Variants in DENND1A observed in about 807,000 individuals in gnomAD.
DENND1A encodes the protein DENN domain-containing protein 1A.
A neutral mutation model predicts 113.7 loss-of-function variants in DENND1A; 51 were observed. The ratio of observed to expected loss-of-function variants is 0.45; its 90% CI spans 0.36 to 0.57. DENND1A has a LOEUF of 0.57. DENND1A is among the 20% of genes least tolerant of loss of function. The pLI, the probability that DENND1A is intolerant of heterozygous loss-of-function variation, is 0.00. For synonymous variants in DENND1A, 565 were observed against 570.8 expected (o/e 0.99, Z 0.14); for missense variants, 1,258 against 1,395.9 (o/e 0.90, Z 1.57).
At chr9:123,791,440 T>C (rs1469209673) in intron 3 of DENND1A, among the ~76,000 whole-genome samples, 1 of 152,144 alleles carries the variant, frequency 6.6e-6, no homozygotes, top group Non-Finnish European at 1.5e-5. Context: ...GATTTTAATA[T>C]TTTTTAAAAT....
Position 123,769,583 on chromosome 9 carries a change from T to C in DENND1A, c.133-20A>G. 6.2e-7 allele frequency: 1 copy of C among 1,602,116 alleles called. No individual in the cohort carries two copies. The highest frequency in any genetic ancestry group is 8.5e-7 in the Non-Finnish European group (1 of 1,174,534). ...AACTTCCTGTGGAGAGAAAGAGAGA[T>C]AATTTATACATCTAATGGGACCAGT... On this transcript the variant is annotated intron_variant, in intron 3 of 23. Transcript: ENST00000394215.
intron 5 of DENND1A, among the ~76,000 whole-genome samples, chr9:123,755,398 C>G (rs2070447964): frequency 6.6e-6 from 1 of 151,974 alleles, no homozygotes; most frequent in African/African-American, 2.4e-5. Flanking sequence ...CCCACCTCAG[C>G]CTCCCAAACT....
At chr9:123,766,728 T>C (rs1266088342) in intron 4 of DENND1A, among the ~76,000 whole-genome samples, 1 of 152,252 alleles carries the variant, frequency 6.6e-6, no homozygotes, top group East Asian at 1.9e-4. Context: ...TCTTATCTCT[T>C]ATGATAGGAG....
chr9:123,637,180 C>T (rs940639364), intron 9 of DENND1A, among the ~76,000 whole-genome samples: 6 of 152,146 alleles, frequency 3.9e-5, no homozygotes, highest in African/African-American at 9.7e-5. Context: ...GGGTTAGAGG[C>T]ATTTGGATTT....
chr9:123,660,822 C>G (rs73665323), intron 8 of DENND1A, among the ~76,000 whole-genome samples: 4,435 of 152,290 alleles, frequency 0.029, 128 homozygotes, highest in African/African-American at 0.079. Flanking sequence ...TTTTTGAAAG[C>G]CAAAAAGCAG....
chr9:123,622,456 T>C (rs559192731), intron 10 of DENND1A, among the ~76,000 whole-genome samples: 1 of 152,228 alleles, frequency 6.6e-6, no homozygotes, highest in Non-Finnish European at 1.5e-5. Flanking sequence ...ACATAATAAG[T>C]GCTCTATAAA....
chr9:123,739,922 G>GAAAAA (rs74357014), intron 5 of DENND1A, among the ~76,000 whole-genome samples: 1 of 118,950 alleles, frequency 8.4e-6, no homozygotes. Context: ...GTACATAGGA[G>GAAAAA]AAAAAAAAAA....
At chr9:123,487,954 C>G (rs1433290927) in intron 13 of DENND1A, among the ~76,000 whole-genome samples, 3 of 152,222 alleles carry the variant, frequency 2.0e-5, no homozygotes, top group Admixed American at 6.5e-5. Context: ...CAAGGCCCAG[C>G]CAGTGTTGCC....
intron 13 of DENND1A, among the ~76,000 whole-genome samples, chr9:123,553,400 GC>G (rs869110586): frequency 3.3e-4 from 37 of 112,478 alleles, no homozygotes; most frequent in Admixed American, 8.9e-5. Flanking sequence ...TTTAAAAGCC[GC>G]CCCCCCCCCG....
chr9:123,703,256 G>C (rs900467900), intron 5 of DENND1A, among the ~76,000 whole-genome samples: 1 of 152,166 alleles, frequency 6.6e-6, no homozygotes, highest in Non-Finnish European at 1.5e-5. Flanking sequence ...ACAGGTGTGA[G>C]CCACTGCACC....
chr9:123,700,913 G>T (rs1358471256), intron 5 of DENND1A, among the ~76,000 whole-genome samples: 1 of 152,164 alleles, frequency 6.6e-6, no homozygotes, highest in East Asian at 1.9e-4. Context: ...GCACAGGTCA[G>T]GCAAATATTT....
chr9:123,914,723 A>C (rs1854766755), intron 1 of DENND1A, among the ~76,000 whole-genome samples: 1 of 151,992 alleles, frequency 6.6e-6, no homozygotes, highest in African/African-American at 2.4e-5. Flanking sequence ...GTGAGAGTGA[A>C]ACAAGGGAGG....
At chr9:123,395,622 A>G (rs949586844) in intron 21 of DENND1A, among the ~76,000 whole-genome samples, 1 of 152,192 alleles carries the variant, frequency 6.6e-6, no homozygotes, top group African/African-American at 2.4e-5. Flanking sequence ...GCCAGGGGGT[A>G]GAGCCCAGAC....
chr9:123,648,512 C>A (rs902278285), intron 9 of DENND1A, among the ~76,000 whole-genome samples: 1 of 152,122 alleles, frequency 6.6e-6, no homozygotes, highest in Non-Finnish European at 1.5e-5. Context: ...CATTGACAGG[C>A]TTGTCTTCTT....
At chr9:123,595,741 G>T (rs1330402504) in intron 11 of DENND1A, among the ~76,000 whole-genome samples, 1 of 152,112 alleles carries the variant, frequency 6.6e-6, no homozygotes, top group Non-Finnish European at 1.5e-5. Context: ...TGAAAAGATT[G>T]GGGGAGACAC....
At chr9:123,607,547 AGT>A (rs555605927) in intron 11 of DENND1A, among the ~76,000 whole-genome samples, 2,545 of 67,872 alleles carry the variant, frequency 0.037, 47 homozygotes, top group Non-Finnish European at 0.051. Flanking sequence ...AGAGAGAGAG[AGT>A]GTGTGTGTGT....
intron 19 of DENND1A, among the ~76,000 whole-genome samples, chr9:123,439,135 G>C (rs745386371): frequency 5.9e-5 from 9 of 152,262 alleles, no homozygotes; most frequent in Non-Finnish European, 1.2e-4. Flanking sequence ...CCTGAGCCTG[G>C]AGCTGGGGGG....
chr9:123,787,358 A>T (rs1832345250), intron 3 of DENND1A, among the ~76,000 whole-genome samples: 1 of 152,160 alleles, frequency 6.6e-6, no homozygotes, highest in Non-Finnish European at 1.5e-5. Context: ...TTACAATAGA[A>T]ATGTTTTATC....
chr9:123,458,495 A>G (rs1008544187), intron 13 of DENND1A, among the ~76,000 whole-genome samples: 64 of 152,172 alleles, frequency 4.2e-4, no homozygotes, highest in African/African-American at 1.4e-3. Context: ...AAAGTCACAG[A>G]GAGGGTAGAA....
Sources: gnomAD v4.1 joint callset for allele counts (sites outside exome capture counted in the v4.1 genomes callset) on GRCh38, gnomAD v4.1.1 for gene constraint, MANE v1.5 for transcripts, NCBI Gene and HGNC (gene_info 2026-07-23, HGNC 2026-07-21) for gene names.